The following IFT81 variants were observed in gnomAD, a reference collection of about 807,000 sequenced individuals.
IFT81 encodes intraflagellar transport 81.
A neutral mutation model predicts 102.6 loss-of-function variants in IFT81; 72 were observed. The observed-to-expected ratio is 0.70, with a 90% CI of 0.58 to 0.85. The LOEUF is 0.85. Ranked by LOEUF, IFT81 falls within the 40% of genes least tolerant of loss-of-function variation. The pLI is 0.00. For synonymous variants in IFT81, 237 were observed against 242.7 expected (o/e 0.98, Z 0.22); for missense variants, 723 against 787.3 (o/e 0.92, Z 0.98).
intron 8 of IFT81, 29 bp from the exon 9 acceptor site, chr12:110,143,353 C>A: frequency 8.3e-7 from 1 of 1,201,244 alleles, no homozygotes; most frequent in Non-Finnish European, 1.1e-6. Flanking sequence ...CTCTTTTGGG[C>A]TGAATATTTA....
At chr12:110,163,614 C>CT (rs895090240) in intron 11 of IFT81, among the ~76,000 whole-genome samples, 1,670 of 126,090 alleles carry the variant, frequency 0.013, 23 homozygotes, top group African/African-American at 0.029. Context: ...CAAATTTTCA[C>CT]TTTTTTTTTT....
At position 110,203,961 on chromosome 12, in the gene IFT81, A is replaced by G; in HGVS notation, c.1644+11A>G. 1 of 1,586,310 alleles carries G rather than the reference A, an allele frequency of 6.3e-7. No individual in the cohort carries two copies. Among genetic ancestry groups the G allele is most frequent in the Non-Finnish European group, 8.6e-7 (1 of 1,159,140 alleles). ...TCCAAATTAGAACAGGTAAGAAGAGAGTTTTTATTTTAACAATTTAGCAAA... is the reference window on the plus strand; with the variant it reads ...TCCAAATTAGAACAGGTAAGAAGAGGGTTTTTATTTTAACAATTTAGCAAA... On this transcript the variant is annotated intron_variant, in intron 15 of 18. Coordinates refer to ENST00000242591, the MANE Select transcript of IFT81 (RefSeq NM_014055.4).
At chr12:110,167,020 T>G (rs549206957) in intron 11 of IFT81, among the ~76,000 whole-genome samples, 181 of 152,186 alleles carry the variant, frequency 1.2e-3, no homozygotes, top group Middle Eastern at 3.4e-3. Context: ...TTTTTAGAGG[T>G]CCATTAGCAG....
chr12:110,169,588 A>G (rs764982572), intron 11 of IFT81, among the ~76,000 whole-genome samples: 2 of 152,218 alleles, frequency 1.3e-5, no homozygotes, highest in Non-Finnish European at 2.9e-5. Flanking sequence ...GCAGCCTGAC[A>G]GTCTCACTCT....
chr12:110,174,441 G>GC (rs1566143804), intron 11 of IFT81, among the ~76,000 whole-genome samples: 1 of 140,880 alleles, frequency 7.1e-6, no homozygotes, highest in African/African-American at 2.7e-5. Flanking sequence ...GGAGACAAGA[G>GC]CAAGACTCCG....
chr12:110,161,715 A>G (rs1416510854), intron 10 of IFT81, among the ~76,000 whole-genome samples: 1 of 152,076 alleles, frequency 6.6e-6, no homozygotes, highest in Non-Finnish European at 1.5e-5. Context: ...TGGCCTCCCA[A>G]AGTGCTGGGA....
intron 1 of IFT81, among the ~76,000 whole-genome samples, chr12:110,125,938 C>T (rs1450404358): frequency 1.3e-5 from 2 of 152,020 alleles, no homozygotes; most frequent in Non-Finnish European, 2.9e-5. Flanking sequence ...GACACAGATA[C>T]GGAATTTACA....
Position 110,160,248 on chromosome 12 carries a change from T to C in IFT81, c.1042-2671T>C, listed in dbSNP as rs570556340. Among the ~76,000 whole-genome samples the C allele has an allele frequency of 3.9e-5, 6 of 152,308 alleles. No homozygotes were observed. In the East Asian group the frequency reaches 1.2e-3, roughly 29 times the overall value. ...ACAGTTACAAGGCAAAGTCTCATGA[T>C]AGACCATCTGCAAGCTGGAGAAAGA... is the stretch of plus-strand genomic sequence containing the variant. On this transcript the variant is annotated intron_variant, in intron 10 of 18. Transcript: ENST00000242591.
intron 4 of IFT81, 133 bp from the exon 5 acceptor site, chr12:110,132,414 C>G (rs1428188597): frequency 7.2e-6 from 3 of 414,656 alleles, no homozygotes; most frequent in Non-Finnish European, 1.3e-5. Context: ...GAGCCGAGAT[C>G]GTGCCACTGC....
Position 110,205,436 on chromosome 12 carries a change from A to G in IFT81, c.1645-7A>G, listed in dbSNP as rs1868486495. On this transcript the variant is annotated splice_polypyrimidine_tract_variant and splice_region_variant and intron_variant, in intron 15 of 18. Transcript: ENST00000242591. ...TAATGTCACCTATCTAAAATTATATATTATAGGAAGTTAGAAGACTCCGTG... is the reference window on the plus strand; with the variant it reads ...TAATGTCACCTATCTAAAATTATATGTTATAGGAAGTTAGAAGACTCCGTG... 6.3e-7 allele frequency: 1 copy of G among 1,583,544 alleles called. No homozygotes were observed. The highest frequency in any genetic ancestry group is 8.5e-7 in the Non-Finnish European group (1 of 1,170,402).
At chr12:110,169,256 C>T (rs2137467118) in intron 11 of IFT81, 1 of 152,186 alleles carries the variant, frequency 6.6e-6, no homozygotes, top group East Asian at 1.9e-4. Flanking sequence ...ATTATGCCCT[C>T]TGTGACTGCA....
At chr12:110,134,897 C>T in intron 5 of IFT81, 51 bp from the exon 6 acceptor site, 1 of 1,353,656 alleles carries the variant, frequency 7.4e-7, no homozygotes, top group Non-Finnish European at 1.0e-6. Context: ...TATCTGTTTC[C>T]TACAGACTGA....
chr12:110,162,148 C>T (rs73205079), intron 10 of IFT81, among the ~76,000 whole-genome samples: 25,591 of 151,772 alleles, frequency 0.17, 3,341 homozygotes, highest in African/African-American at 0.37. Flanking sequence ...TTTAAAAGTA[C>T]GGATATTGAA....
intron 2 of IFT81, among the ~76,000 whole-genome samples, chr12:110,127,794 A>C (rs1428663844): frequency 6.6e-6 from 1 of 152,198 alleles, no homozygotes; most frequent in Non-Finnish European, 1.5e-5. Flanking sequence ...TTGTATTGCA[A>C]GTTAGTTCAT....
intron 11 of IFT81, among the ~76,000 whole-genome samples, chr12:110,163,924 ACTT>A (rs1301276568): frequency 6.6e-6 from 1 of 151,824 alleles, no homozygotes; most frequent in East Asian, 1.9e-4. Flanking sequence ...CCAAATTTTC[ACTT>A]CTTAATTAAG....
intron 8 of IFT81, among the ~76,000 whole-genome samples, chr12:110,138,673 TCCAC>T (rs1031747228): frequency 1.8e-4 from 27 of 152,302 alleles, no homozygotes; most frequent in African/African-American, 6.5e-4. Flanking sequence ...CCTCAGGTGA[TCCAC>T]CCGCCTCAGC....
intron 9 of IFT81, among the ~76,000 whole-genome samples, chr12:110,145,407 A>G (rs898705686): frequency 3.3e-5 from 5 of 151,088 alleles, no homozygotes; most frequent in African/African-American, 1.2e-4. Flanking sequence ...AGCCACTACA[A>G]TTAAATACAT....
In IFT81 at chr12:110,135,434, T is replaced by C. The variant is rs757593853; in HGVS notation, c.693T>C (p.Asn231=). 6.4e-7 allele frequency: 1 copy of C among 1,567,658 alleles called. No homozygotes were observed. Among genetic ancestry groups the C allele is most frequent in the Non-Finnish European group, 8.8e-7 (1 of 1,140,386 alleles). The part of the protein sequence containing the change: ...YLAQQKQEQK[N]QLFHAVQRLQ... ...CACAACAGAAACAGGAACAAAAGAA[T>C]CAGGTATCCACATAAAAGTTTATAT... Residue 231 remains asparagine, a synonymous_variant, in exon 7 of 19, where the codon AAT becomes AAC. Coordinates refer to ENST00000242591, the MANE Select transcript of IFT81 (RefSeq NM_014055.4).
chr12:110,209,284 T>C (rs1025180830), intron 18 of IFT81, 68 bp downstream of exon 18: 1 of 676,294 alleles, frequency 1.5e-6, no homozygotes, highest in African/African-American at 1.9e-5. Context: ...GTACATGGTT[T>C]ATGACTGTCA....
Sources: gnomAD v4.1 joint callset for allele counts (sites outside exome capture counted in the v4.1 genomes callset) on GRCh38, gnomAD v4.1.1 for gene constraint, MANE v1.5 for transcripts, NCBI Gene and HGNC (gene_info 2026-07-23, HGNC 2026-07-21) for gene names.